Variants in INTS14 observed in about 807,000 individuals in gnomAD.
The protein encoded by INTS14 is UPF0464 protein C15orf44.
In INTS14, 27 loss-of-function variants were observed where a neutral mutation model predicts 56.9. The observed-to-expected ratio is 0.47, with a 90% CI of 0.35 to 0.65. The LOEUF is 0.65. Among genes scored for constraint, INTS14 ranks in the 30% least tolerant of loss-of-function variants. The pLI is 0.00. For synonymous variants in INTS14, 207 were observed against 236.2 expected (o/e 0.88, Z 1.13); for missense variants, 517 against 632.2 (o/e 0.82, Z 1.95).
chr15:65,607,013 G>A, intron 2 of INTS14, 146 bp downstream of exon 2: 1 of 1,007,136 alleles, frequency 9.9e-7, no homozygotes, highest in Non-Finnish European at 1.4e-6. Flanking sequence ...TACTGGTTGT[G>A]AATTCTTGCT....
chr15:65,586,224 GC>G (rs2072817363), intron 9 of INTS14, among the ~76,000 whole-genome samples: 1 of 152,200 alleles, frequency 6.6e-6, no homozygotes, highest in Non-Finnish European at 1.5e-5. Flanking sequence ...CCAACTATGT[GC>G]AAGATACTTT....
At chr15:65,607,813 A>T (rs1304931476) in intron 1 of INTS14, among the ~76,000 whole-genome samples, 1 of 152,212 alleles carries the variant, frequency 6.6e-6, no homozygotes, top group East Asian at 1.9e-4. Context: ...TGTTGGTGCT[A>T]TTTGACAAAC....
intron 11 of INTS14, among the ~76,000 whole-genome samples, chr15:65,581,601 C>T (rs1566915879): frequency 6.7e-6 from 1 of 148,672 alleles, no homozygotes; most frequent in South Asian, 2.1e-4. Flanking sequence ...AATTCCCCAT[C>T]CAGGAAGCCA....
chr15:65,604,585 C>G (rs569030385), intron 3 of INTS14, among the ~76,000 whole-genome samples: 16 of 151,908 alleles, frequency 1.1e-4, no homozygotes, highest in African/African-American at 3.9e-4. Context: ...AAAAAATTAG[C>G]CAGGTATGGT....
intron 10 of INTS14, 72 bp from the exon 11 acceptor site, chr15:65,582,091 G>GAT: frequency 7.7e-7 from 1 of 1,294,510 alleles, no homozygotes; most frequent in African/African-American, 1.5e-5. Context: ...TAAAAGAATG[G>GAT]ATCTAAATGT....
At chr15:65,593,253 C>T (rs900599822) in intron 8 of INTS14, among the ~76,000 whole-genome samples, 175 bp downstream of exon 8, 1 of 149,990 alleles carries the variant, frequency 6.7e-6, no homozygotes, top group African/African-American at 2.5e-5. Flanking sequence ...AGCAAGACCT[C>T]GTCTCAAAAA....
intron 3 of INTS14, among the ~76,000 whole-genome samples, chr15:65,601,825 C>A (rs903509032): frequency 6.6e-6 from 1 of 152,172 alleles, no homozygotes; most frequent in Non-Finnish European, 1.5e-5. Flanking sequence ...TTACCTCCAT[C>A]GGCTTTTTCA....
At chr15:65,584,705 A>ATGCC in intron 10 of INTS14, 65 bp downstream of exon 10, 1 of 1,345,090 alleles carries the variant, frequency 7.4e-7, no homozygotes, top group African/African-American at 1.5e-5. Context: ...ATCAAATAAA[A>ATGCC]TGCCTGCCTG....
At chr15:65,581,817 A>G (rs1225909748) in intron 11 of INTS14, 137 bp downstream of exon 11, 4 of 818,228 alleles carry the variant, frequency 4.9e-6, no homozygotes, top group African/African-American at 3.5e-5. Context: ...CAGACCTATC[A>G]CTTTTACTGA....
At chr15:65,597,610 A>G (rs913097259) in intron 6 of INTS14, among the ~76,000 whole-genome samples, 2 of 152,198 alleles carry the variant, frequency 1.3e-5, no homozygotes, top group Non-Finnish European at 2.9e-5. Flanking sequence ...AGAGTACACT[A>G]TATCAGATCC....
At chr15:65,589,183 T>G (rs2072935575) in intron 9 of INTS14, among the ~76,000 whole-genome samples, 1 of 152,160 alleles carries the variant, frequency 6.6e-6, no homozygotes, top group Admixed American at 6.5e-5. Flanking sequence ...TGGCAAACTT[T>G]TTCTGTGAGG....
chr15:65,583,245 T>C (rs1159755995), intron 10 of INTS14, among the ~76,000 whole-genome samples: 1 of 152,176 alleles, frequency 6.6e-6, no homozygotes, highest in African/African-American at 2.4e-5. Flanking sequence ...ACATGAATGT[T>C]TGTAACAGCA....
chr15:65,606,151 A>T (rs1211774696), intron 2 of INTS14, among the ~76,000 whole-genome samples: 1 of 151,274 alleles, frequency 6.6e-6, no homozygotes, highest in Non-Finnish European at 1.5e-5. Flanking sequence ...GCTATTCGGA[A>T]GGCTGAGGCA....
At chr15:65,595,646 G>T in intron 7 of INTS14, 87 bp downstream of exon 7, 1 of 1,060,642 alleles carries the variant, frequency 9.4e-7, no homozygotes, top group Non-Finnish European at 1.4e-6. Flanking sequence ...CCTAAATTCT[G>T]CAAAATGGGC....
chr15:65,580,224 T>C (rs1340722541), intron 11 of INTS14, among the ~76,000 whole-genome samples: 1 of 152,158 alleles, frequency 6.6e-6, no homozygotes, highest in Non-Finnish European at 1.5e-5. Flanking sequence ...ATATAGCCTC[T>C]CTGGGTCTCA....
intron 2 of INTS14, 38 bp downstream of exon 2, chr15:65,607,121 T>C: frequency 6.2e-7 from 1 of 1,602,046 alleles, no homozygotes; most frequent in South Asian, 1.1e-5. Flanking sequence ...CCAATAAATT[T>C]AGGCCCTGTA....
At position 65,591,721 on chromosome 15, in the gene INTS14, G is replaced by A. The variant is rs2073039656; in HGVS notation, c.997C>T (p.His333Tyr). 6.2e-7 allele frequency: 1 copy of A among 1,613,984 alleles called. No homozygotes were observed. The highest frequency in any genetic ancestry group is 8.5e-7 in the Non-Finnish European group (1 of 1,179,998). Reference sequence around the variant, plus strand: ...TCAGCTTGGGAGTAGAGCATTCCATGCCATTCAGGACTAGATGGAGAGAAG... The same window carrying A: ...TCAGCTTGGGAGTAGAGCATTCCATACCATTCAGGACTAGATGGAGAGAAG... ...VAIVQLGPEW[H>Y]GMLYSQADSK... The change falls in exon 9 of 12, where the codon CAT (histidine) becomes TAT (tyrosine). Residue 333 changes from histidine (H) to tyrosine (Y), a missense_variant. His to Tyr is a moderately conservative substitution (Grantham distance 83, BLOSUM62 2). Coordinates refer to ENST00000313182, the MANE Select transcript of INTS14 (RefSeq NM_001394796.1).
rs750343454 is a variant in INTS14 at position 65,607,375 on chromosome 15, C to T, written c.6G>A (p.Pro2=). The T allele has an allele frequency of 9.3e-6, 15 of 1,613,996 alleles. No individual in the cohort carries two copies. Among genetic ancestry groups the T allele is most frequent in the African/African-American group, 6.7e-5 (5 of 74,892 alleles). M[P]TVVVMDVSLS... ...GGGATACATCCATTACCACCACTGTCGGCATGATGAAAATGATCCCAGTGT... is the reference window on the plus strand; with the variant it reads ...GGGATACATCCATTACCACCACTGTTGGCATGATGAAAATGATCCCAGTGT... Residue 2 remains proline (P), a synonymous_variant, in exon 2 of 12, where the codon CCG becomes CCA. Transcript: ENST00000313182.
chr15:65,579,427 C>G lies in INTS14; in HGVS notation c.1538G>C (p.Ser513Thr). 1 of 1,611,842 alleles carries G rather than the reference C, an allele frequency of 6.2e-7. No individual in the cohort carries two copies. Among genetic ancestry groups the G allele is most frequent in the Non-Finnish European group, 8.5e-7 (1 of 1,178,050 alleles). Reference protein sequence around the residue: ...ITPLHTDFSGSSTERI With the variant: ...ITPLHTDFSGTSTERI ...TCAGTTTCAAATTCTTTCAGTGCTG[C>G]TCCCAGAGAAGTCCGTGTGCAAAGG... The change falls in exon 12 of 12, where the codon AGC becomes ACC. Residue 513 changes from serine (S) to threonine (T), a missense_variant. Physicochemically the swap from Ser to Thr is moderately conservative, Grantham distance 58. Coordinates refer to ENST00000313182, the MANE Select transcript of INTS14 (RefSeq NM_001394796.1).
Sources: gnomAD v4.1 joint callset for allele counts (sites outside exome capture counted in the v4.1 genomes callset) on GRCh38, gnomAD v4.1.1 for gene constraint, MANE v1.5 for transcripts, NCBI Gene and HGNC (gene_info 2026-07-23, HGNC 2026-07-21) for gene names.